Variants in ST3GAL2 observed in about 807,000 individuals in gnomAD.
ST3GAL2 encodes the protein ST3 beta-galactoside alpha-2,3-sialyltransferase 2.
In ST3GAL2, 16 loss-of-function variants were observed where a neutral mutation model predicts 37.5. The ratio of observed to expected loss-of-function variants is 0.43; its 90% confidence interval spans 0.29 to 0.65. The LOEUF (loss-of-function observed/expected upper bound fraction) is 0.65. Among genes scored for constraint, ST3GAL2 ranks in the 30% least tolerant of loss-of-function variants. The probability of loss-of-function intolerance (pLI) is 0.17; values close to 1 mark genes in which losing one functional copy is unlikely to be tolerated. For synonymous variants in ST3GAL2, 238 were observed against 202.9 expected (o/e 1.17, Z -1.47); for missense variants, 383 against 487.8 (o/e 0.79, Z 2.02).
chr16:70,383,999 C>T (rs1358925804), intron 4 of ST3GAL2, among the ~76,000 whole-genome samples: 1 of 152,054 alleles, frequency 6.6e-6, no homozygotes, highest in Non-Finnish European at 1.5e-5. Flanking sequence ...TCCCCTCAGG[C>T]TTCCCAGACC....
At chr16:70,422,483 G>GC (rs2047721695) in intron 1 of ST3GAL2, among the ~76,000 whole-genome samples, 1 of 152,160 alleles carries the variant, frequency 6.6e-6, no homozygotes, top group Non-Finnish European at 1.5e-5. Flanking sequence ...GTCTGGGCTG[G>GC]CAGACAGTTC....
At chr16:70,412,358 G>T (rs2047645254) in intron 1 of ST3GAL2, among the ~76,000 whole-genome samples, 1 of 152,060 alleles carries the variant, frequency 6.6e-6, no homozygotes, top group Non-Finnish European at 1.5e-5. Context: ...AACTCTCTTG[G>T]TCTGGTCAGG....
At chr16:70,382,715 C>A (rs754311265) in intron 6 of ST3GAL2, 90 bp downstream of exon 6, 1 of 1,570,334 alleles carries the variant, frequency 6.4e-7, no homozygotes, top group Non-Finnish European at 8.7e-7. Flanking sequence ...CCTACAGAAG[C>A]ACATTCCTCT....
chr16:70,429,442 A>G (rs1374925195), intron 1 of ST3GAL2, among the ~76,000 whole-genome samples: 1 of 151,596 alleles, frequency 6.6e-6, no homozygotes, highest in Non-Finnish European at 1.5e-5. Flanking sequence ...AAATACAAAA[A>G]ATTAGCCGGG....
At chr16:70,421,346 C>T (rs561921743) in intron 1 of ST3GAL2, among the ~76,000 whole-genome samples, 12 of 152,328 alleles carry the variant, frequency 7.9e-5, no homozygotes, top group African/African-American at 2.9e-4. Flanking sequence ...AGCCTTATCC[C>T]CGGGGTGAGA....
At chr16:70,426,002 C>A (rs563037927) in intron 1 of ST3GAL2, among the ~76,000 whole-genome samples, 1 of 152,128 alleles carries the variant, frequency 6.6e-6, no homozygotes, top group African/African-American at 2.4e-5. Context: ...CCATCAGAGT[C>A]CCCCAACCAC....
chr16:70,433,205 T>G (rs1390999490), intron 1 of ST3GAL2, among the ~76,000 whole-genome samples: 2 of 152,168 alleles, frequency 1.3e-5, no homozygotes, highest in Non-Finnish European at 2.9e-5. Flanking sequence ...GCAAGCTCTC[T>G]AGACTCCGTC....
chr16:70,437,519 A>T (rs2047833877), intron 1 of ST3GAL2, among the ~76,000 whole-genome samples: 1 of 150,044 alleles, frequency 6.7e-6, no homozygotes. Context: ...AAAAAAAAAA[A>T]ATCTGAAGAG....
chr16:70,413,259 A>C (rs2047651718), intron 1 of ST3GAL2, among the ~76,000 whole-genome samples: 1 of 151,096 alleles, frequency 6.6e-6, no homozygotes, highest in Non-Finnish European at 1.5e-5. Flanking sequence ...TCAAAAAAAA[A>C]AAAAAAGTTA....
In ST3GAL2 at chr16:70,379,420, C is replaced by T. The variant is rs920421797; in HGVS notation, c.*2269G>A. 5 of 152,198 alleles carry T rather than the reference C, an allele frequency of 3.3e-5. No individual in the cohort carries two copies. Among genetic ancestry groups the T allele is most frequent in the African/African-American group, 1.2e-4 (5 of 41,430 alleles). 9.4% of individuals were successfully genotyped at this position (152,198 alleles called of 1,614,324 possible). A position where few individuals can be genotyped will look rare whatever the true frequency, so the allele number is the denominator to read the frequency against. On this transcript the variant is annotated 3_prime_UTR_variant, in exon 7 of 7. Coordinates refer to ENST00000342907, the MANE Select transcript of ST3GAL2 (RefSeq NM_006927.4). The stretch of plus-strand genomic sequence containing the variant: ...GAGTCATCTCGCCCCTCCCATATCC[C>T]CCAACGTTCTCAGCCATTATCAGTC...
chr16:70,383,378 G>GT (rs759356765), intron 4 of ST3GAL2, 143 bp from the exon 5 acceptor site: 3 of 673,972 alleles, frequency 4.5e-6, no homozygotes, highest in Non-Finnish European at 6.9e-6. Context: ...GAGGCCAGGA[G>GT]TTTGAGGCCA....
intron 1 of ST3GAL2, among the ~76,000 whole-genome samples, chr16:70,415,436 G>A (rs977579725): frequency 2.0e-5 from 3 of 152,340 alleles, no homozygotes; most frequent in Middle Eastern, 3.4e-3. Context: ...ACACCCTCTT[G>A]TAAATTCCTA....
intron 1 of ST3GAL2, among the ~76,000 whole-genome samples, chr16:70,424,453 T>G (rs2047737094): frequency 6.6e-6 from 1 of 151,246 alleles, no homozygotes; most frequent in South Asian, 2.1e-4. Flanking sequence ...AATACAAAAT[T>G]AGCCAGGCGT....
At chr16:70,408,995 C>T (rs990128889) in intron 1 of ST3GAL2, among the ~76,000 whole-genome samples, 30 of 141,700 alleles carry the variant, frequency 2.1e-4, no homozygotes, top group Non-Finnish European at 2.3e-4. Context: ...GGAGAGGGTG[C>T]GGCAGGGGAG....
At chr16:70,430,202 C>G (rs1457333204) in intron 1 of ST3GAL2, among the ~76,000 whole-genome samples, 1 of 152,210 alleles carries the variant, frequency 6.6e-6, no homozygotes, top group Non-Finnish European at 1.5e-5. Flanking sequence ...AGGGTATGCC[C>G]AGGGATCCAG....
At chr16:70,434,954 C>A (rs2047815241) in intron 1 of ST3GAL2, among the ~76,000 whole-genome samples, 1 of 152,210 alleles carries the variant, frequency 6.6e-6, no homozygotes, top group South Asian at 2.1e-4. Context: ...ATGCCTCCTG[C>A]ATTTCTAAAT....
chr16:70,395,215 G>T, intron 2 of ST3GAL2, 40 bp from the exon 3 acceptor site: 1 of 1,563,328 alleles, frequency 6.4e-7, no homozygotes, highest in Non-Finnish European at 8.7e-7. Context: ...AGGAAGGGGA[G>T]AGGTGTGTGA....
intron 1 of ST3GAL2, among the ~76,000 whole-genome samples, chr16:70,420,066 A>C: frequency 4.4e-5 from 5 of 112,364 alleles, no homozygotes; most frequent in Admixed American, 1.2e-4. Flanking sequence ...TTGCTCTTTC[A>C]CCCAAGCTAG....
intron 1 of ST3GAL2, among the ~76,000 whole-genome samples, chr16:70,434,601 G>T (rs928808273): frequency 2.0e-5 from 3 of 151,126 alleles, no homozygotes; most frequent in African/African-American, 7.4e-5. Flanking sequence ...GGCACATCTG[G>T]TAAGTTCTGT....
Sources: gnomAD v4.1 joint callset for allele counts (sites outside exome capture counted in the v4.1 genomes callset) on GRCh38, gnomAD v4.1.1 for gene constraint, MANE v1.5 for transcripts, NCBI Gene and HGNC (gene_info 2026-07-23, HGNC 2026-07-21) for gene names.